SERGEF: variants seen among roughly 807,000 people sequenced by gnomAD.
The protein encoded by SERGEF is secretion-regulating guanine nucleotide exchange factor.
Under a neutral mutation model 50.0 loss-of-function variants are expected in SERGEF, and 51 were observed. The observed-to-expected ratio is 1.02, with a 90% CI of 0.81 to 1.29. The LOEUF is 1.29. Ranked by LOEUF, SERGEF falls within the 50% of genes most tolerant of loss-of-function variation. The probability of loss-of-function intolerance (pLI) is 0.00; values close to 1 mark genes in which losing one functional copy is unlikely to be tolerated. For synonymous variants in SERGEF, 205 were observed against 212.4 expected (o/e 0.97, Z 0.30); for missense variants, 521 against 557.0 (o/e 0.94, Z 0.65).
At chr11:17,795,593 C>T (rs558191551) in intron 10 of SERGEF, among the ~76,000 whole-genome samples, 155 of 152,302 alleles carry the variant, frequency 1.0e-3, no homozygotes, top group African/African-American at 3.7e-3. Context: ...TCTCATCACC[C>T]CTGTTCCCCA....
At chr11:17,921,112 A>C (rs1852147655) in intron 9 of SERGEF, among the ~76,000 whole-genome samples, 5 of 152,240 alleles carry the variant, frequency 3.3e-5, no homozygotes, top group Admixed American at 3.3e-4. Context: ...GCTGCTCAAA[A>C]TAAACGGGTT....
At chr11:17,833,124 A>G (rs1003253376) in intron 10 of SERGEF, among the ~76,000 whole-genome samples, 4 of 152,178 alleles carry the variant, frequency 2.6e-5, no homozygotes, top group African/African-American at 9.7e-5. Context: ...CCCTTCCATC[A>G]TAGGCCAGAA....
rs1181994886 is a variant in SERGEF, at chr11:17,830,641, AGAGG to A, written c.1049-42232_1049-42229del. Among the ~76,000 whole-genome samples, 154 of 82,132 alleles carry A rather than the reference AGAGG, an allele frequency of 1.9e-3. 5 individuals carry two copies. The highest frequency in any genetic ancestry group is 6.8e-3 in the Middle Eastern group (1 of 148). The allele number at this position is 82,132 out of a possible 152,430, so 53.9% of individuals were successfully genotyped here. On this transcript the variant is annotated intron_variant, in intron 10 of 10. Coordinates refer to ENST00000265965, the MANE Select transcript of SERGEF (RefSeq NM_012139.4). ...GAGAGAGAGAGGGAAAGGGGGAGGG[AGAGG>A]GAGGGAGAGAGAGAGAGAGAGAGAG...
intron 8 of SERGEF, among the ~76,000 whole-genome samples, chr11:17,968,527 T>G (rs1488264139): frequency 6.6e-6 from 1 of 152,000 alleles, no homozygotes; most frequent in Non-Finnish European, 1.5e-5. Flanking sequence ...CACAGCAAGA[T>G]CCTGTCTCTA....
intron 9 of SERGEF, among the ~76,000 whole-genome samples, chr11:17,938,234 A>T (rs1852493298): frequency 6.6e-6 from 1 of 152,156 alleles, no homozygotes; most frequent in Admixed American, 6.5e-5. Context: ...GAGGAGTCAG[A>T]CTGTCAAATA....
intron 9 of SERGEF, among the ~76,000 whole-genome samples, chr11:17,881,739 A>G (rs944080428): frequency 1.3e-5 from 2 of 152,198 alleles, no homozygotes; most frequent in African/African-American, 4.8e-5. Flanking sequence ...AAAGTAGATA[A>G]CAGTGTCTTC....
At chr11:17,870,915 A>G (rs1851127333) in intron 10 of SERGEF, among the ~76,000 whole-genome samples, 1 of 152,196 alleles carries the variant, frequency 6.6e-6, no homozygotes, top group Admixed American at 6.5e-5. Context: ...ATCTAAAAGC[A>G]CATCAACACA....
chr11:17,933,178 C>A (rs910431034), intron 9 of SERGEF, among the ~76,000 whole-genome samples: 1 of 152,110 alleles, frequency 6.6e-6, no homozygotes, highest in East Asian at 1.9e-4. Context: ...TGAGGTTCTA[C>A]AGGTCACTAA....
rs1042317665 is a variant in SERGEF at position 17,915,948 on chromosome 11, G to T, written c.1012-37704C>A. Among the ~76,000 whole-genome samples, 4 of 152,270 alleles carry T rather than the reference G, an allele frequency of 2.6e-5. No individual in the cohort carries two copies. In the East Asian group the frequency reaches 7.7e-4, roughly 29 times the overall value. On this transcript the variant is annotated intron_variant, in intron 9 of 10. Transcript: ENST00000265965. The stretch of plus-strand genomic sequence containing the variant: ...GGCCAGGTGAGGGACAGCAGCAGGT[G>T]CAGGGACTGTTGACGTAGTGATGGG...
intron 10 of SERGEF, among the ~76,000 whole-genome samples, chr11:17,828,324 G>A (rs568732799): frequency 2.0e-5 from 3 of 152,320 alleles, no homozygotes; most frequent in Admixed American, 6.5e-5. Context: ...AAGCCGGTAC[G>A]CATTCATGTG....
Position 17,788,195 on chromosome 11 carries a change from C to T in SERGEF, c.1267G>A (p.Glu423Lys), listed in dbSNP as rs138152821. 1.7e-5 allele frequency: 27 copies of T among 1,607,190 alleles called. No individual in the cohort carries two copies. The African/African-American group carries it at 2.3e-4, about 14-fold the overall frequency. The change falls in exon 11 of 11, where the codon GAG becomes AAG. Residue 423 changes from glutamate to lysine, a missense_variant. By Grantham distance (56) the Glu-to-Lys change is moderately conservative. Transcript: ENST00000265965. ...KVTYLSPDAIEDTESQKAMDK... is the reference protein window; with the variant it reads ...KVTYLSPDAIKDTESQKAMDK... ...ATGGCTTTCTGAGATTCAGTGTCCTCGATGGCATCTGGGGAAAGGTAGGTG... is the reference window on the plus strand; with the variant it reads ...ATGGCTTTCTGAGATTCAGTGTCCTTGATGGCATCTGGGGAAAGGTAGGTG...
chr11:17,950,367 A>G (rs1168957281), intron 9 of SERGEF, among the ~76,000 whole-genome samples: 1 of 152,218 alleles, frequency 6.6e-6, no homozygotes, highest in Non-Finnish European at 1.5e-5. Context: ...AATCTCCACT[A>G]TATCTTAAAT....
At chr11:17,958,189 A>T (rs927505397) in intron 9 of SERGEF, among the ~76,000 whole-genome samples, 57 of 152,200 alleles carry the variant, frequency 3.7e-4, no homozygotes, top group African/African-American at 1.3e-3. Flanking sequence ...GAAGCGTCCT[A>T]CATACCCGGA....
At chr11:17,823,254 G>A (rs922380516) in intron 10 of SERGEF, among the ~76,000 whole-genome samples, 1 of 152,182 alleles carries the variant, frequency 6.6e-6, no homozygotes, top group African/African-American at 2.4e-5. Context: ...GACCACAGAG[G>A]TGAAGTGTCC....
At chr11:17,813,212 G>A (rs570847694) in intron 10 of SERGEF, among the ~76,000 whole-genome samples, 2 of 152,296 alleles carry the variant, frequency 1.3e-5, no homozygotes, top group Non-Finnish European at 2.9e-5. Context: ...CACGAAGCTG[G>A]TGTGAGGACC....
At chr11:17,930,296 G>A (rs4756927) in intron 9 of SERGEF, among the ~76,000 whole-genome samples, 18,362 of 152,206 alleles carry the variant, frequency 0.12, 1,355 homozygotes, top group Middle Eastern at 0.22. Context: ...CTATAGTTAC[G>A]AAAGAGTTGA....
chr11:17,935,458 GACAAAACAAAA>G (rs1276065993), intron 9 of SERGEF, among the ~76,000 whole-genome samples: 4 of 151,952 alleles, frequency 2.6e-5, no homozygotes, highest in African/African-American at 9.7e-5. Context: ...AACAGAGGGA[GACAAAACAAAA>G]ACAAAACAAA....
intron 10 of SERGEF, among the ~76,000 whole-genome samples, chr11:17,844,899 A>T (rs1850575209): frequency 1.4e-5 from 2 of 144,074 alleles, no homozygotes; most frequent in Non-Finnish European, 3.0e-5. Flanking sequence ...TAATGAGCTT[A>T]AAAAAAAACA....
At chr11:17,809,379 C>T (rs1849826275) in intron 10 of SERGEF, among the ~76,000 whole-genome samples, 4 of 152,164 alleles carry the variant, frequency 2.6e-5, no homozygotes, top group Non-Finnish European at 5.9e-5. Context: ...AGATTTTGGA[C>T]TTTATTTCAT....
Sources: gnomAD v4.1 joint callset for allele counts (sites outside exome capture counted in the v4.1 genomes callset) on GRCh38, gnomAD v4.1.1 for gene constraint, MANE v1.5 for transcripts, NCBI Gene and HGNC (gene_info 2026-07-23, HGNC 2026-07-21) for gene names.